ABCA13: variants seen among roughly 807,000 people sequenced by gnomAD.
ABCA13 encodes ATP binding cassette subfamily A member 13.
ABCA13 carries 476 observed loss-of-function variants against 478.7 expected under a neutral mutation model. The ratio of observed to expected loss-of-function variants is 0.99; its 90% CI spans 0.92 to 1.07. ABCA13 has a LOEUF of 1.07. Among genes scored for constraint, ABCA13 ranks in the 50% least tolerant of loss-of-function variants. The pLI is 0.00. For synonymous variants in ABCA13, 2,252 were observed against 2,158.9 expected (o/e 1.04, Z -1.20); for missense variants, 6,060 against 5,910.6 (o/e 1.03, Z -0.83).
At chr7:48,488,236 G>GTT (rs60590500) in intron 47 of ABCA13, among the ~76,000 whole-genome samples, 2 of 142,088 alleles carry the variant, frequency 1.4e-5, no homozygotes, top group African/African-American at 2.6e-5. Context: ...GTAGGGTTTT[G>GTT]TTTTTTTTTT....
At chr7:48,578,952 G>A (rs942194017) in intron 55 of ABCA13, among the ~76,000 whole-genome samples, 2 of 152,168 alleles carry the variant, frequency 1.3e-5, no homozygotes, top group African/African-American at 2.4e-5. Flanking sequence ...CAATGAATCT[G>A]GGCACTTAAC....
Position 48,350,673 on chromosome 7 carries a change from C to G in ABCA13, c.10235C>G (p.Ala3412Gly). Residue 3412 changes from alanine (A) to glycine (G), a missense_variant, in exon 30 of 62, where the codon GCA becomes GGA. Around this residue, in one of 3 missense-constraint regions of ABCA13, gnomAD observed 4,423 missense variants for 4,309.1 expected, o/e 1.03. Transcript: ENST00000435803. Reference protein sequence around the residue: ...GGLLDEMFNHAGAGRFRFLGS... With the variant: ...GGLLDEMFNHGGAGRFRFLGS... ...CTGCTGGATGAGATGTTTAACCATG[C>G]AGGCGCTGGACGCTTCCGTTTCTTG... 6.2e-7 allele frequency: 1 copy of G among 1,613,668 alleles called. No individual in the cohort carries two copies. The highest frequency in any genetic ancestry group is 8.5e-7 in the Non-Finnish European group (1 of 1,179,702).
At chr7:48,370,718 G>A (rs1354215858) in intron 32 of ABCA13, among the ~76,000 whole-genome samples, 1 of 152,154 alleles carries the variant, frequency 6.6e-6, no homozygotes, top group East Asian at 1.9e-4. Context: ...AAACCTTTGG[G>A]ATATTGCAAA....
chr7:48,258,154 A>T (rs573626819), intron 15 of ABCA13, among the ~76,000 whole-genome samples: 18 of 152,106 alleles, frequency 1.2e-4, no homozygotes, highest in South Asian at 6.2e-4. Context: ...GAACTCCTGG[A>T]CTCAAGTAAT....
intron 1 of ABCA13, among the ~76,000 whole-genome samples, chr7:48,189,260 C>A (rs1291673993): frequency 6.6e-6 from 1 of 151,946 alleles, no homozygotes; most frequent in South Asian, 2.1e-4. Context: ...AAGCAAGATT[C>A]GAGGATAATA....
At chr7:48,392,227 A>G (rs1231790055) in intron 38 of ABCA13, 88 bp downstream of exon 38, 1 of 1,221,114 alleles carries the variant, frequency 8.2e-7, no homozygotes, top group East Asian at 2.4e-5. Context: ...TTAAAAAATC[A>G]TCTGTGTCTA....
chr7:48,401,744 AACACAC>A (rs55694821), intron 38 of ABCA13, among the ~76,000 whole-genome samples: 37 of 143,998 alleles, frequency 2.6e-4, no homozygotes, highest in South Asian at 4.4e-4. Flanking sequence ...AGAATTTTAA[AACACAC>A]ACACACACAC....
intron 48 of ABCA13, among the ~76,000 whole-genome samples, chr7:48,497,992 A>G (rs1918612): frequency 0.87 from 132,679 of 151,966 alleles, 58,168 homozygotes; most frequent in African/African-American, 0.95. Context: ...TCAGGTAGAT[A>G]TGGAGGCTCA....
intron 23 of ABCA13, 63 bp downstream of exon 23, chr7:48,298,550 G>C (rs1273220127): frequency 4.5e-6 from 7 of 1,558,492 alleles, no homozygotes; most frequent in Non-Finnish European, 6.1e-6. Context: ...TGAAGTCACT[G>C]GCACTGTGTT....
chr7:48,594,410 TC>T (rs1181112593), intron 57 of ABCA13, among the ~76,000 whole-genome samples: 2 of 152,220 alleles, frequency 1.3e-5, no homozygotes, highest in East Asian at 3.9e-4. Context: ...TCTATTTGGT[TC>T]TTTTTTTTTA....
intron 27 of ABCA13, among the ~76,000 whole-genome samples, chr7:48,328,517 A>G (rs897086725): frequency 8.5e-5 from 13 of 152,210 alleles, no homozygotes; most frequent in African/African-American, 3.1e-4. Context: ...CAGCAGTATC[A>G]GTAGAACTGT....
chr7:48,564,505 A>AT (rs145103772), intron 55 of ABCA13, among the ~76,000 whole-genome samples: 16,447 of 151,782 alleles, frequency 0.11, 1,030 homozygotes, highest in East Asian at 0.17. Context: ...TCACATAGGA[A>AT]TTTGTTTTTA....
intron 43 of ABCA13, among the ~76,000 whole-genome samples, chr7:48,461,504 T>C (rs1204697997): frequency 1.3e-5 from 2 of 152,228 alleles, no homozygotes; most frequent in African/African-American, 4.8e-5. Context: ...AACTATTTGC[T>C]TGACTTAATT....
At chr7:48,452,094 A>G (rs1396916590) in intron 42 of ABCA13, among the ~76,000 whole-genome samples, 3 of 152,202 alleles carry the variant, frequency 2.0e-5, no homozygotes, top group South Asian at 2.1e-4. Context: ...TCCAATTAAC[A>G]TATACGGGAA....
chr7:48,516,827 T>C lies in ABCA13; in HGVS notation c.13743T>C (p.Cys4581=). 2 of 1,613,816 alleles carry C rather than the reference T, an allele frequency of 1.2e-6. No homozygotes were observed. Among genetic ancestry groups the C allele is most frequent in the South Asian group, 2.2e-5 (2 of 91,082 alleles). The part of the protein sequence containing the change: ...YVSLNFIFGL[C]TMLITIMPRL... ...CACTAAACTTCATCTTTGGCCTTTG[T>C]ACCATGCTCATAACCATTATGCCCC... is the stretch of plus-strand genomic sequence containing the variant. The change falls in exon 52 of 62, where the codon TGT becomes TGC. Residue 4581 remains cysteine, a synonymous_variant. Transcript: ENST00000435803.
rs1800264157 is a variant in ABCA13, at chr7:48,302,353, T to C, written c.9321+3866T>C. On this transcript the variant is annotated intron_variant, in intron 23 of 61. Coordinates refer to ENST00000435803, the MANE Select transcript of ABCA13 (RefSeq NM_152701.5). ...TCCTTTTTATTTTTAAAAATTAAACTTTTATTTTAGGCTTAGGGGTGCATA... is the reference window on the plus strand; with the variant it reads ...TCCTTTTTATTTTTAAAAATTAAACCTTTATTTTAGGCTTAGGGGTGCATA... Among the ~76,000 whole-genome samples the C allele has an allele frequency of 3.3e-5, 5 of 152,356 alleles. No homozygotes were observed. In the South Asian group the frequency reaches 1.0e-3, roughly 32 times the overall value.
intron 35 of ABCA13, among the ~76,000 whole-genome samples, chr7:48,384,670 A>G (rs1048339628): frequency 6.6e-6 from 1 of 152,120 alleles, no homozygotes; most frequent in African/African-American, 2.4e-5. Flanking sequence ...TTGCTTTGCA[A>G]GGTTCTTGGA....
At chr7:48,573,946 C>G (rs1454518868) in intron 55 of ABCA13, among the ~76,000 whole-genome samples, 3 of 152,000 alleles carry the variant, frequency 2.0e-5, no homozygotes, top group Non-Finnish European at 4.4e-5. Flanking sequence ...AGTCTTCCCT[C>G]TATATATGTG....
At chr7:48,292,624 T>C (rs1465130031) in intron 20 of ABCA13, among the ~76,000 whole-genome samples, 2 of 152,256 alleles carry the variant, frequency 1.3e-5, no homozygotes, top group African/African-American at 4.8e-5. Context: ...TCCACCTCGC[T>C]GGCTCCTTTG....
Sources: allele counts gnomAD v4.1 joint callset (sites outside exome capture counted in the v4.1 genomes callset), GRCh38; gene constraint gnomAD v4.1.1; regional missense constraint gnomAD v4.1.1; transcripts MANE v1.5; gene names NCBI Gene and HGNC (gene_info 2026-07-23, HGNC 2026-07-21).